Variants in CELF2 observed in about 807,000 individuals in gnomAD.
The protein encoded by CELF2 is CUGBP Elav-like family member 2.
CELF2 carries 8 observed loss-of-function variants against 62.6 expected under a neutral mutation model. The ratio of observed to expected loss-of-function variants is 0.13; its 90% CI spans 0.07 to 0.23. The LOEUF is 0.23. CELF2 is among the 10% of genes least tolerant of loss of function. The pLI, the probability that CELF2 is intolerant of heterozygous loss-of-function variation, is 1.00. For synonymous variants in CELF2, 258 were observed against 250.0 expected, an observed-to-expected ratio of 1.03 and a Z score of -0.30; for missense variants, 333 against 671.0, an observed-to-expected ratio of 0.50 and a Z score of 5.56.
the CELF2 span, among the ~76,000 whole-genome samples, chr10:10,612,201 G>A: frequency 1.3e-5 from 2 of 152,026 alleles, no homozygotes; most frequent in Non-Finnish European, 2.9e-5. Flanking sequence ...TCTCATTGAG[G>A]AAAAAAAGAA....
intron 2 of CELF2, among the ~76,000 whole-genome samples, chr10:11,197,017 A>AAGGAAGGAAGGAAGGAAGGAAGGAAGG (rs1565230047): frequency 3.8e-4 from 3 of 7,942 alleles, no homozygotes; most frequent in South Asian, 4.2e-3. Context: ...AGAAAGAAAG[A>AAGGAAGGAAGGAAGGAAGGAAGGAAGG]AAGAAAGAAA....
At chr10:11,095,868 A>G (rs1395714948) in intron 1 of CELF2, among the ~76,000 whole-genome samples, 1 of 152,216 alleles carries the variant, frequency 6.6e-6, no homozygotes, top group Non-Finnish European at 1.5e-5. Context: ...CCCTTGTGAA[A>G]AAGGATGCAT....
At chr10:11,287,184 A>AT (rs2091531711) in intron 8 of CELF2, among the ~76,000 whole-genome samples, 1 of 152,094 alleles carries the variant, frequency 6.6e-6, no homozygotes, top group African/African-American at 2.4e-5. Flanking sequence ...GTAGATATTG[A>AT]TTAAGTATCT....
At chr10:10,526,792 G>A in the CELF2 span, among the ~76,000 whole-genome samples, 2 of 152,202 alleles carry the variant, frequency 1.3e-5, no homozygotes, top group Non-Finnish European at 2.9e-5. Context: ...GTATCTAATG[G>A]CACTTAAAAT....
the CELF2 span, among the ~76,000 whole-genome samples, chr10:10,785,321 A>G: frequency 1.3e-5 from 2 of 152,172 alleles, no homozygotes; most frequent in Non-Finnish European, 2.9e-5. Flanking sequence ...GGATTTTAAA[A>G]GTTCCCAGCC....
chr10:10,565,110 A>C, the CELF2 span, among the ~76,000 whole-genome samples: 1 of 152,206 alleles, frequency 6.6e-6, no homozygotes, highest in Non-Finnish European at 1.5e-5. Flanking sequence ...TAATTGATAA[A>C]GGGGCTTATT....
chr10:11,256,578 T>C (rs568349935), intron 4 of CELF2, among the ~76,000 whole-genome samples: 9 of 151,294 alleles, frequency 5.9e-5, no homozygotes, highest in South Asian at 4.2e-4. Context: ...AGCTTCTTTT[T>C]TTTTTTTTTT....
chr10:10,683,750 A>ATG, the CELF2 span, among the ~76,000 whole-genome samples: 1 of 152,226 alleles, frequency 6.6e-6, no homozygotes, highest in Admixed American at 6.5e-5. Context: ...TATGAAAGAA[A>ATG]AAAACTTACG....
the CELF2 span, among the ~76,000 whole-genome samples, chr10:10,650,249 A>G: frequency 6.6e-6 from 1 of 152,222 alleles, no homozygotes; most frequent in Non-Finnish European, 1.5e-5. Context: ...TGAAATTATC[A>G]TGAGCATTGA....
At chr10:10,507,493 G>A in the CELF2 span, among the ~76,000 whole-genome samples, 1 of 152,146 alleles carries the variant, frequency 6.6e-6, no homozygotes, top group Non-Finnish European at 1.5e-5. Flanking sequence ...AAAATACTAA[G>A]GATTGGGGCT....
chr10:11,005,285 A>AGAGAGAGAGAGAGG (rs1337160870), upstream of CELF2: 62 of 1,591,170 alleles, frequency 3.9e-5, no homozygotes, highest in Non-Finnish European at 5.3e-5. This position sits in a 1 kb window ranked among gnomAD's most constrained non-coding sequence, Gnocchi z 4.3. Context: ...AGAGAGAGAG[A>AGAGAGAGAGAGAGG]GAGAGAGAGG....
chr10:11,023,249 G>C (rs1394045185), intron 1 of CELF2, among the ~76,000 whole-genome samples: 1 of 152,212 alleles, frequency 6.6e-6, no homozygotes. Context: ...CATGCATCCT[G>C]TTTGTTTCCT....
chr10:11,258,044 T>C (rs2079338127), intron 5 of CELF2, among the ~76,000 whole-genome samples, 172 bp downstream of exon 5: 1 of 152,220 alleles, frequency 6.6e-6, no homozygotes, highest in Non-Finnish European at 1.5e-5. Flanking sequence ...TCACCTTTTA[T>C]TTCTCCAGTT....
chr10:10,611,050 C>T, the CELF2 span, among the ~76,000 whole-genome samples: 3 of 152,112 alleles, frequency 2.0e-5, no homozygotes, highest in Non-Finnish European at 4.4e-5. Context: ...TTTACTATGA[C>T]CCAACTATGA....
intron 1 of CELF2, among the ~76,000 whole-genome samples, chr10:11,152,083 G>T (rs58062467): frequency 2.1e-3 from 319 of 152,312 alleles, no homozygotes; most frequent in African/African-American, 7.5e-3. Flanking sequence ...CCTAGACCTT[G>T]GGTTTGACTC....
the CELF2 span, among the ~76,000 whole-genome samples, chr10:10,698,266 G>A: frequency 6.6e-6 from 1 of 152,236 alleles, no homozygotes; most frequent in South Asian, 2.1e-4. Flanking sequence ...CAATGGAATC[G>A]ATTAATAGCA....
At chr10:10,749,136 G>A in the CELF2 span, among the ~76,000 whole-genome samples, 1 of 152,166 alleles carries the variant, frequency 6.6e-6, no homozygotes. Flanking sequence ...AGAGTGAAAT[G>A]TCAACTAGAT....
At chr10:10,588,616 A>G in the CELF2 span, among the ~76,000 whole-genome samples, 1 of 152,210 alleles carries the variant, frequency 6.6e-6, no homozygotes, top group Admixed American at 6.5e-5. Flanking sequence ...GGGATTGTAG[A>G]TGACTCAAGT....
chr10:10,791,639 T>C, the CELF2 span, among the ~76,000 whole-genome samples: 1 of 152,166 alleles, frequency 6.6e-6, no homozygotes, highest in East Asian at 1.9e-4. Flanking sequence ...TCTAGTTCAG[T>C]ATAGATTCTA....
Sources: gnomAD v4.1 joint callset for allele counts (sites outside exome capture counted in the v4.1 genomes callset) on GRCh38, gnomAD v4.1.1 for gene constraint, Gnocchi (gnomAD v3.1) non-coding constraint, MANE v1.5 for transcripts, NCBI Gene and HGNC (gene_info 2026-07-23, HGNC 2026-07-21) for gene names.